Variants in MAGI1 observed in about 807,000 individuals in gnomAD.
MAGI1 encodes membrane-associated guanylate kinase, WW and PDZ domain-containing protein 1.
Under a neutral mutation model 139.9 loss-of-function variants are expected in MAGI1, and 58 were observed. The observed-to-expected ratio is 0.41, with a 90% confidence interval of 0.34 to 0.52. The LOEUF (loss-of-function observed/expected upper bound fraction) is 0.52. Among genes scored for constraint, MAGI1 ranks in the 20% least tolerant of loss-of-function variants. The probability of loss-of-function intolerance (pLI) is 0.12; values close to 1 mark genes in which losing one functional copy is unlikely to be tolerated. For missense variants in MAGI1, 1,874 were observed against 1,901.6 expected (o/e 0.99, Z 0.27); for synonymous variants, 812 against 737.9 (o/e 1.10, Z -1.63).
At chr3:65,564,685 G>A (rs951899542) in intron 2 of MAGI1, among the ~76,000 whole-genome samples, 1 of 152,198 alleles carries the variant, frequency 6.6e-6, no homozygotes, top group African/African-American at 2.4e-5. Context: ...AATAGCAACG[G>A]AAAGATTTAT....
intron 1 of MAGI1, among the ~76,000 whole-genome samples, chr3:65,668,746 G>T (rs2086679604): frequency 1.3e-5 from 2 of 151,180 alleles, no homozygotes; most frequent in South Asian, 4.2e-4. Context: ...TAGAGACGGG[G>T]TTTCACCATC....
At position 65,570,863 on chromosome 3, in the gene MAGI1, TG is replaced by T. The variant is rs537210216; in HGVS notation, c.430+51108del. On this transcript the variant is annotated intron_variant, in intron 2 of 22. Transcript: ENST00000402939. ...CCCCGTTTCAGGCTGCCTGGTTGTT[TG>T]GGGGGCTCTTTCAAATACAATGGTT... is the stretch of plus-strand genomic sequence containing the variant. 1.9e-4 allele frequency among the ~76,000 whole-genome samples: 29 copies of T among 152,296 alleles called. No individual in the cohort carries two copies. In the East Asian group the frequency reaches 5.6e-3, roughly 29 times the overall value.
chr3:65,901,308 T>C (rs901795664), intron 1 of MAGI1, among the ~76,000 whole-genome samples: 4 of 152,208 alleles, frequency 2.6e-5, no homozygotes, highest in African/African-American at 9.6e-5. Flanking sequence ...GACCAGAGAC[T>C]GGGAGCTCAG....
At position 65,663,537 on chromosome 3, in the gene MAGI1, T is replaced by C. The variant is rs74959842; in HGVS notation, c.314-41449A>G. The stretch of plus-strand genomic sequence containing the variant: ...AAAATTCAAAGGTCATGAAACCAAC[T>C]GCAGAAACGCCAAACTAAAGGGCTT... On this transcript the variant is annotated intron_variant, in intron 1 of 22. Transcript: ENST00000402939. Among the ~76,000 whole-genome samples, 14 of 152,328 alleles carry C rather than the reference T, an allele frequency of 9.2e-5. No homozygotes were observed. In the East Asian group the frequency reaches 1.9e-3, roughly 21 times the overall value.
chr3:65,361,088 T>C, intron 22 of MAGI1, 111 bp downstream of exon 22: 5 of 1,599,016 alleles, frequency 3.1e-6, no homozygotes, highest in Non-Finnish European at 4.3e-6. Flanking sequence ...GAGAGGCTGG[T>C]AAGACACTGG....
chr3:65,782,279 G>A (rs965718789), intron 1 of MAGI1, among the ~76,000 whole-genome samples: 1 of 152,160 alleles, frequency 6.6e-6, no homozygotes, highest in African/African-American at 2.4e-5. Context: ...AGATAAGACT[G>A]TAGATGAATG....
chr3:65,518,257 A>G (rs1212179283), intron 2 of MAGI1, among the ~76,000 whole-genome samples: 1 of 152,150 alleles, frequency 6.6e-6, no homozygotes, highest in Non-Finnish European at 1.5e-5. Context: ...CCACTGCATA[A>G]GTCTACCACG....
At chr3:65,443,616 ATCTGTTGTGGAAAG>A (rs1464183011) in intron 7 of MAGI1, among the ~76,000 whole-genome samples, 2 of 152,202 alleles carry the variant, frequency 1.3e-5, no homozygotes, top group African/African-American at 4.8e-5. Context: ...CTGAACAAGA[ATCTGTTGTGGAAAG>A]GCCCACTGCA....
chr3:65,778,930 A>G (rs866297357), intron 1 of MAGI1, among the ~76,000 whole-genome samples: 1 of 152,184 alleles, frequency 6.6e-6, no homozygotes, highest in South Asian at 2.1e-4. Flanking sequence ...GGTTATCACA[A>G]TTAGGAAGGT....
intron 1 of MAGI1, among the ~76,000 whole-genome samples, chr3:65,953,931 T>G (rs1387604889): frequency 6.6e-6 from 1 of 152,216 alleles, no homozygotes; most frequent in Non-Finnish European, 1.5e-5. Flanking sequence ...TAGTGCTACC[T>G]TTTAAAAGGT....
At chr3:66,023,743 C>A (rs1350590529) in intron 1 of MAGI1, among the ~76,000 whole-genome samples, 2 of 152,336 alleles carry the variant, frequency 1.3e-5, no homozygotes, top group East Asian at 3.9e-4. Context: ...ACATAAACTT[C>A]ATTCGTTCTT....
intron 1 of MAGI1, among the ~76,000 whole-genome samples, chr3:65,932,427 G>A (rs1270411026): frequency 6.6e-6 from 1 of 152,212 alleles, no homozygotes; most frequent in Non-Finnish European, 1.5e-5. Context: ...TCCCATAGCA[G>A]GTAACTTTGA....
Position 65,430,830 on chromosome 3 carries a change from T to A in MAGI1, c.1415A>T (p.His472Leu), listed in dbSNP as rs1947398454. Reference sequence around the variant, plus strand: ...ACGACTGCTTTTCCGCAGCTTTGTGTGAATGAACTTGCCTTTCAACTCAGA... The same window carrying A: ...ACGACTGCTTTTCCGCAGCTTTGTGAGAATGAACTTGCCTTTCAACTCAGA... Reference protein sequence around the residue: ...NPSELKGKFIHTKLRKSSRGF... With the variant: ...NPSELKGKFILTKLRKSSRGF... The change falls in exon 11 of 23, where the codon CAC becomes CTC. Residue 472 changes from histidine to leucine, a missense_variant. Transcript: ENST00000402939. 1 of 1,613,272 alleles carries A rather than the reference T, an allele frequency of 6.2e-7. No homozygotes were observed. The highest frequency in any genetic ancestry group is 1.3e-5 in the African/African-American group (1 of 74,794).
chr3:65,619,632 T>C (rs573305978), intron 2 of MAGI1, among the ~76,000 whole-genome samples: 91 of 152,248 alleles, frequency 6.0e-4, no homozygotes, highest in African/African-American at 2.1e-3. Flanking sequence ...TCCTAATCCA[T>C]TAGCACAACA....
chr3:65,961,154 A>G (rs2064405376), intron 1 of MAGI1, among the ~76,000 whole-genome samples: 1 of 152,208 alleles, frequency 6.6e-6, no homozygotes, highest in African/African-American at 2.4e-5. Flanking sequence ...TCCTGTGTCC[A>G]TTTGGTGTAC....
intron 1 of MAGI1, among the ~76,000 whole-genome samples, chr3:65,674,482 C>G (rs371753201): frequency 6.6e-6 from 1 of 152,172 alleles, no homozygotes; most frequent in African/African-American, 2.4e-5. Context: ...GCCAAGGTGT[C>G]AGAGGCTATG....
chr3:65,379,501 T>C lies in MAGI1; in HGVS notation c.2755A>G (p.Asn919Asp), dbSNP rs527701578. Residue 919 changes from asparagine (N) to aspartate (D), a missense_variant, in exon 17 of 23, where the codon AAC (asparagine) becomes GAC (aspartate). By Grantham distance (23) the Asn-to-Asp change is conservative (BLOSUM62 1). Transcript: ENST00000402939. The part of the protein sequence containing the change: ...PSPASSHHSS[N>D]QPASLTEEKR... ...TCTTCTGTCAGCGAGGCCGGCTGGT[T>C]GCTACTGTGATGAGAGGAGGCTGGC... 1 of 1,613,910 alleles carries C rather than the reference T, an allele frequency of 6.2e-7. No individual in the cohort carries two copies. Among genetic ancestry groups the C allele is most frequent in the Admixed American group, 1.7e-5 (1 of 60,000 alleles).
At position 65,430,897 on chromosome 3, in the gene MAGI1, A is replaced by G; in HGVS notation, c.1364-16T>C. The G allele has an allele frequency of 6.2e-7, 1 of 1,611,676 alleles. No homozygotes were observed. Among genetic ancestry groups the G allele is most frequent in the Non-Finnish European group, 8.5e-7 (1 of 1,178,564 alleles). On this transcript the variant is annotated splice_polypyrimidine_tract_variant and intron_variant, in intron 10 of 22. Transcript: ENST00000402939. ...AAGGGTTTGCCTGGATTAAAATAAG[A>G]AACGCATAAGGAATGTCACCACTGG... is the stretch of plus-strand genomic sequence containing the variant.
At chr3:65,468,737 C>T (rs1575873230) in intron 5 of MAGI1, among the ~76,000 whole-genome samples, 2 of 151,860 alleles carry the variant, frequency 1.3e-5, no homozygotes, top group East Asian at 3.9e-4. Context: ...TTAGAAAAAT[C>T]ATACTACCTA....
Sources: allele counts gnomAD v4.1 joint callset (sites outside exome capture counted in the v4.1 genomes callset), GRCh38; gene constraint gnomAD v4.1.1; transcripts MANE v1.5; gene names NCBI Gene and HGNC (gene_info 2026-07-23, HGNC 2026-07-21).